The following SLC9A4 variants were observed in gnomAD, a reference collection of about 807,000 sequenced individuals.
SLC9A4 encodes solute carrier family 9 member A4, also known as sodium/hydrogen exchanger 4.
In SLC9A4, 63 loss-of-function variants were observed where a neutral mutation model predicts 67.4. The observed-to-expected ratio is 0.93, with a 90% CI of 0.76 to 1.15. The LOEUF (loss-of-function observed/expected upper bound fraction) is 1.15. SLC9A4 is among the 50% of genes most tolerant of loss of function. The pLI is 0.00. For synonymous variants in SLC9A4, 393 were observed against 367.2 expected, an observed-to-expected ratio of 1.07 and a Z score of -0.80; for missense variants, 1,089 against 987.7, an observed-to-expected ratio of 1.10 and a Z score of -1.38.
At chr2:102,487,538 G>C (rs141274129) in intron 2 of SLC9A4, among the ~76,000 whole-genome samples, 1 of 152,084 alleles carries the variant, frequency 6.6e-6, no homozygotes, top group African/African-American at 2.4e-5. Context: ...AGGGCTGGAG[G>C]GGCACTGTAT....
At chr2:102,528,880 G>C (rs548589659) in intron 11 of SLC9A4, among the ~76,000 whole-genome samples, 6 of 152,288 alleles carry the variant, frequency 3.9e-5, no homozygotes, top group Non-Finnish European at 8.8e-5. Flanking sequence ...GGAAGAAATA[G>C]ACAGGATATA....
At chr2:102,495,015 A>T (rs1308517515) in intron 2 of SLC9A4, among the ~76,000 whole-genome samples, 2 of 152,202 alleles carry the variant, frequency 1.3e-5, no homozygotes, top group South Asian at 2.1e-4. Flanking sequence ...ATTAGGCCCA[A>T]CTACCGCAAA....
At position 102,479,060 on chromosome 2, in the gene SLC9A4, T is replaced by A. The variant is rs767842317; in HGVS notation, c.478T>A (p.Trp160Arg). The change falls in exon 2 of 12, where the codon TGG becomes AGG. Residue 160 changes from tryptophan (W) to arginine (R), a missense_variant. Coordinates refer to ENST00000295269, the MANE Select transcript of SLC9A4 (RefSeq NM_001011552.4). ...CTTTGAGAACATCGGCTCCATCCTGTGGTGGGCAGTATTGGGGGCCCTGAT... is the reference window on the plus strand; with the variant it reads ...CTTTGAGAACATCGGCTCCATCCTGAGGTGGGCAGTATTGGGGGCCCTGAT... ...PFFENIGSILWWAVLGALINA... is the reference protein window; with the variant it reads ...PFFENIGSILRWAVLGALINA... 4 of 1,614,108 alleles carry A rather than the reference T, an allele frequency of 2.5e-6. No individual in the cohort carries two copies. The highest frequency in any genetic ancestry group is 1.1e-5 in the South Asian group (1 of 91,090).
intron 11 of SLC9A4, among the ~76,000 whole-genome samples, chr2:102,530,079 G>T (rs1217853898): frequency 6.6e-6 from 1 of 152,128 alleles, no homozygotes; most frequent in Non-Finnish European, 1.5e-5. Flanking sequence ...TGAAAAAAAT[G>T]GTTAAAATGG....
At chr2:102,504,558 A>G (rs1685010335) in intron 3 of SLC9A4, among the ~76,000 whole-genome samples, 1 of 152,224 alleles carries the variant, frequency 6.6e-6, no homozygotes, top group African/African-American at 2.4e-5. Context: ...GAGGCTTCTC[A>G]GCTTGGCTTA....
chr2:102,505,582 C>A, intron 4 of SLC9A4, 111 bp downstream of exon 4: 5 of 1,060,440 alleles, frequency 4.7e-6, no homozygotes, highest in Middle Eastern at 2.7e-4. Context: ...CTGGTTTTAC[C>A]GGTTAGGGTA....
At chr2:102,478,198 AAATCCTAAAT>A (rs1684373309) in intron 1 of SLC9A4, among the ~76,000 whole-genome samples, 1 of 152,204 alleles carries the variant, frequency 6.6e-6, no homozygotes, top group African/African-American at 2.4e-5. Flanking sequence ...AGAAATGGGG[AAATCCTAAAT>A]AAAGGCAGTG....
At chr2:102,495,804 A>G (rs1049219498) in intron 2 of SLC9A4, among the ~76,000 whole-genome samples, 6 of 152,186 alleles carry the variant, frequency 3.9e-5, no homozygotes, top group African/African-American at 1.4e-4. Context: ...AAACTCTGGT[A>G]TCCATGTGGA....
At chr2:102,512,983 G>A (rs1239392914) in intron 7 of SLC9A4, among the ~76,000 whole-genome samples, 3 of 6,890 alleles carry the variant, frequency 4.4e-4, no homozygotes, top group East Asian at 9.7e-4. Flanking sequence ...AGGGCGCAGA[G>A]GGGAGGACCC....
chr2:102,527,189 G>C (rs1674682929), intron 11 of SLC9A4, among the ~76,000 whole-genome samples: 1 of 152,082 alleles, frequency 6.6e-6, no homozygotes, highest in Non-Finnish European at 1.5e-5. Flanking sequence ...GATCACCATA[G>C]AATGTTTTGG....
At chr2:102,516,532 T>A (rs1685281921) in intron 8 of SLC9A4, among the ~76,000 whole-genome samples, 2 of 152,198 alleles carry the variant, frequency 1.3e-5, no homozygotes, top group African/African-American at 2.4e-5. Context: ...AATGCACAGG[T>A]ATTTTTTTCT....
chr2:102,518,699 G>T (rs1190694597), intron 8 of SLC9A4, among the ~76,000 whole-genome samples: 2 of 152,000 alleles, frequency 1.3e-5, no homozygotes, highest in Non-Finnish European at 2.9e-5. Flanking sequence ...ACTATTTATG[G>T]CTGTATTGCT....
intron 2 of SLC9A4, among the ~76,000 whole-genome samples, chr2:102,483,023 T>G (rs1684499212): frequency 6.6e-6 from 1 of 152,166 alleles, no homozygotes; most frequent in African/African-American, 2.4e-5. Context: ...GTTTGTTTGT[T>G]AGCAACATGT....
intron 4 of SLC9A4, among the ~76,000 whole-genome samples, chr2:102,506,709 G>C (rs1279168299): frequency 6.6e-6 from 1 of 152,150 alleles, no homozygotes; most frequent in Non-Finnish European, 1.5e-5. Flanking sequence ...ATCTACAGGG[G>C]AGTAGAGCTA....
chr2:102,523,397 C>G (rs141667080), intron 9 of SLC9A4, among the ~76,000 whole-genome samples: 1 of 152,258 alleles, frequency 6.6e-6, no homozygotes, highest in Non-Finnish European at 1.5e-5. Context: ...GAAACACAAA[C>G]AATGAACTGC....
intron 11 of SLC9A4, among the ~76,000 whole-genome samples, chr2:102,528,938 C>G (rs1023283146): frequency 7.9e-5 from 12 of 152,236 alleles, no homozygotes; most frequent in Admixed American, 7.8e-4. Context: ...CATTTCCGGT[C>G]TATAAAGAGG....
rs970445594 is a variant in SLC9A4, at chr2:102,503,689, A to G, written c.962A>G (p.Tyr321Cys). The G allele has an allele frequency of 6.2e-7, 1 of 1,614,136 alleles. No individual in the cohort carries two copies. The highest frequency in any genetic ancestry group is 8.5e-7 in the Non-Finnish European group (1 of 1,180,010). The change falls in exon 3 of 12, where the codon TAT becomes TGT. Residue 321 changes from tyrosine to cysteine, a missense_variant. Transcript: ENST00000295269. ...TCTTACTTAGCTGCTGAAACCCTCT[A>G]TCTCTCCGGCATCCTGGCGTGAGTA... ...YLSYLAAETL[Y>C]LSGILAITAC...
chr2:102,527,200 T>C (rs576112656), intron 11 of SLC9A4, among the ~76,000 whole-genome samples: 3 of 152,282 alleles, frequency 2.0e-5, no homozygotes, highest in African/African-American at 7.2e-5. Context: ...AATGTTTTGG[T>C]GAGCACCCTT....
intron 9 of SLC9A4, among the ~76,000 whole-genome samples, chr2:102,522,712 T>C (rs1674548340): frequency 6.6e-6 from 1 of 152,252 alleles, no homozygotes; most frequent in Non-Finnish European, 1.5e-5. Flanking sequence ...TCTTGTGTTA[T>C]TTTTCACGAC....
Sources: allele counts gnomAD v4.1 joint callset (sites outside exome capture counted in the v4.1 genomes callset), GRCh38; gene constraint gnomAD v4.1.1; transcripts MANE v1.5; gene names NCBI Gene and HGNC (gene_info 2026-07-23, HGNC 2026-07-21).